The following XKR6 variants were observed in gnomAD, a reference collection of about 807,000 sequenced individuals.
XKR6 encodes the protein XK-related protein 6.
In XKR6, 22 loss-of-function variants were observed where a neutral mutation model predicts 56.7. The ratio of observed to expected loss-of-function variants is 0.39; its 90% CI spans 0.28 to 0.55. The LOEUF (loss-of-function observed/expected upper bound fraction) is 0.55. Among genes scored for constraint, XKR6 ranks in the 20% least tolerant of loss-of-function variants. The pLI is 0.66. For synonymous variants in XKR6, 524 were observed against 387.8 expected, an observed-to-expected ratio of 1.35 and a Z score of -4.13; for missense variants, 852 against 889.0, an observed-to-expected ratio of 0.96 and a Z score of 0.53.
At position 10,918,634 on chromosome 8, in the gene XKR6, C is replaced by T. The variant is rs563699772; in HGVS notation, c.961+6000G>A. ...TCTCCAGGTAGAGATCCCAGCTCTA[C>T]CACTTCCAAGCTTGAGGCGTTGTGC... On this transcript the variant is annotated intron_variant, in intron 2 of 2. Coordinates refer to ENST00000416569, the MANE Select transcript of XKR6 (RefSeq NM_173683.4). Among the ~76,000 whole-genome samples the T allele has an allele frequency of 2.6e-5, 4 of 152,356 alleles. No homozygotes were observed. In the East Asian group the frequency reaches 7.7e-4, roughly 29 times the overall value.
chr8:10,980,196 G>C (rs183047321), intron 1 of XKR6, among the ~76,000 whole-genome samples: 1 of 152,190 alleles, frequency 6.6e-6, no homozygotes, highest in Non-Finnish European at 1.5e-5. Flanking sequence ...CCCACTGAGA[G>C]GGGCCTTCCA....
intron 1 of XKR6, among the ~76,000 whole-genome samples, chr8:11,159,117 G>A (rs1801668572): frequency 6.6e-6 from 1 of 152,184 alleles, no homozygotes; most frequent in South Asian, 2.1e-4. Flanking sequence ...AACAGTACTA[G>A]CTCATGAATT....
intron 1 of XKR6, among the ~76,000 whole-genome samples, chr8:11,096,133 A>G (rs1366157809): frequency 6.6e-6 from 1 of 152,270 alleles, no homozygotes; most frequent in African/African-American, 2.4e-5. Flanking sequence ...TATTTTTAAA[A>G]TATCTTTTGA....
chr8:11,069,780 C>G (rs1285984944), intron 1 of XKR6, among the ~76,000 whole-genome samples: 3 of 152,170 alleles, frequency 2.0e-5, no homozygotes, highest in Non-Finnish European at 4.4e-5. Flanking sequence ...TACTGTGCAA[C>G]TGGATTTCCA....
chr8:10,946,678 C>T (rs1360067705), intron 1 of XKR6, among the ~76,000 whole-genome samples: 2 of 152,060 alleles, frequency 1.3e-5, no homozygotes, highest in African/African-American at 4.8e-5. Flanking sequence ...ACTCAGCAGA[C>T]ATAATTGAGC....
chr8:11,023,150 T>C (rs886650661), intron 1 of XKR6, among the ~76,000 whole-genome samples: 1 of 151,942 alleles, frequency 6.6e-6, no homozygotes, highest in Non-Finnish European at 1.5e-5. Context: ...GGTGAGAAAA[T>C]GGGCAGGTGG....
intron 1 of XKR6, among the ~76,000 whole-genome samples, chr8:11,009,982 C>T (rs1291731844): frequency 1.3e-5 from 2 of 152,150 alleles, no homozygotes; most frequent in Non-Finnish European, 1.5e-5. Flanking sequence ...TTAGTCTGTT[C>T]TCACATTGCT....
intron 1 of XKR6, among the ~76,000 whole-genome samples, chr8:10,962,924 G>C (rs1802106064): frequency 6.6e-6 from 1 of 152,130 alleles, no homozygotes; most frequent in South Asian, 2.1e-4. Context: ...CACCTGGACT[G>C]GTTCATCTGT....
At chr8:10,981,587 T>C (rs1563326291) in intron 1 of XKR6, among the ~76,000 whole-genome samples, 1 of 152,216 alleles carries the variant, frequency 6.6e-6, no homozygotes, top group Non-Finnish European at 1.5e-5. Flanking sequence ...AATAAATGTA[T>C]AGACCCAGGG....
intron 1 of XKR6, among the ~76,000 whole-genome samples, chr8:11,190,520 A>C (rs1409370525): frequency 1.3e-5 from 2 of 152,232 alleles, no homozygotes; most frequent in East Asian, 3.8e-4. Context: ...GTCCTAAGAC[A>C]CAGACCCAGA....
intron 1 of XKR6, among the ~76,000 whole-genome samples, chr8:11,048,537 C>G (rs1043976605): frequency 1.2e-4 from 18 of 152,292 alleles, no homozygotes; most frequent in African/African-American, 4.1e-4. Flanking sequence ...GTTCCTGGGA[C>G]CAACTCCTAC....
At chr8:11,117,539 G>T (rs1366008470) in intron 1 of XKR6, among the ~76,000 whole-genome samples, 2 of 152,150 alleles carry the variant, frequency 1.3e-5, no homozygotes, top group African/African-American at 4.8e-5. Flanking sequence ...CATTCCTTAA[G>T]CCAAAATAAC....
At chr8:11,185,972 C>T (rs1239261741) in intron 1 of XKR6, among the ~76,000 whole-genome samples, 1 of 152,196 alleles carries the variant, frequency 6.6e-6, no homozygotes, top group East Asian at 1.9e-4. Context: ...TTCTGTACCA[C>T]CCTCAGACTA....
intron 1 of XKR6, among the ~76,000 whole-genome samples, chr8:11,056,539 C>T (rs577675138): frequency 6.6e-6 from 1 of 152,144 alleles, no homozygotes; most frequent in Non-Finnish European, 1.5e-5. Flanking sequence ...AATGCAACTC[C>T]TCAAAGAGCA....
At chr8:11,156,428 G>A (rs541051515) in intron 1 of XKR6, among the ~76,000 whole-genome samples, 285 of 152,216 alleles carry the variant, frequency 1.9e-3, no homozygotes, top group African/African-American at 6.5e-3. Context: ...TCTTCAGCTG[G>A]GCTGAATTCC....
Position 10,897,170 on chromosome 8 carries a change from G to A in XKR6, c.*782C>T, listed in dbSNP as rs1799906447. On this transcript the variant is annotated 3_prime_UTR_variant, in exon 3 of 3. Coordinates refer to ENST00000416569, the MANE Select transcript of XKR6 (RefSeq NM_173683.4). The stretch of plus-strand genomic sequence containing the variant: ...AATCAGCCTTCAAGTAGCTTCTCCA[G>A]CCATTTGAGTTTCAAACAGCCCTTG... 6.6e-6 allele frequency: 1 copy of A among 152,630 alleles called. No individual in the cohort carries two copies. The highest frequency in any genetic ancestry group is 1.5e-5 in the Non-Finnish European group (1 of 68,034). 9.5% of individuals were successfully genotyped at this position (152,630 alleles called of 1,614,324 possible). A position where few individuals can be genotyped will look rare whatever the true frequency, so the allele number is the denominator to read the frequency against.
intron 1 of XKR6, among the ~76,000 whole-genome samples, chr8:11,015,308 C>G (rs1239970666): frequency 6.6e-6 from 1 of 152,116 alleles, no homozygotes; most frequent in African/African-American, 2.4e-5. Flanking sequence ...CTGAGCACAT[C>G]CGGGATGCCC....
intron 2 of XKR6, among the ~76,000 whole-genome samples, chr8:10,904,152 G>A (rs1340459459): frequency 5.3e-5 from 8 of 152,166 alleles, no homozygotes; most frequent in Non-Finnish European, 1.0e-4. Flanking sequence ...GCTGTGACGA[G>A]CTCTGAGCAG....
At chr8:11,088,183 C>A (rs962851465) in intron 1 of XKR6, among the ~76,000 whole-genome samples, 23 of 152,116 alleles carry the variant, frequency 1.5e-4, no homozygotes, top group Admixed American at 3.9e-4. Context: ...TATCAGAAGA[C>A]CACTGCAAAT....
Sources: gnomAD v4.1 joint callset for allele counts (sites outside exome capture counted in the v4.1 genomes callset) on GRCh38, gnomAD v4.1.1 for gene constraint, MANE v1.5 for transcripts, NCBI Gene and HGNC (gene_info 2026-07-23, HGNC 2026-07-21) for gene names.